Variants in PPARGC1A observed in about 807,000 individuals in gnomAD.
The protein encoded by PPARGC1A is PPARG coactivator 1 alpha, also known as peroxisome proliferator-activated receptor gamma coactivator 1-alpha.
In PPARGC1A, 25 loss-of-function variants were observed where a neutral mutation model predicts 88.7. The observed-to-expected ratio is 0.28, with a 90% CI of 0.21 to 0.39. The LOEUF is 0.39. PPARGC1A is among the 10% of genes least tolerant of loss of function. The pLI, the probability that PPARGC1A is intolerant of heterozygous loss-of-function variation, is 1.00. For synonymous variants in PPARGC1A, 363 were observed against 355.6 expected, an observed-to-expected ratio of 1.02 and a Z score of -0.24; for missense variants, 880 against 968.7, an observed-to-expected ratio of 0.91 and a Z score of 1.22.
chr4:24,406,773 A>G, the PPARGC1A span, among the ~76,000 whole-genome samples: 1 of 152,210 alleles, frequency 6.6e-6, no homozygotes, highest in Non-Finnish European at 1.5e-5. Flanking sequence ...AAGGCAGAGA[A>G]CAACCTAATG....
chr4:24,050,953 C>G, the PPARGC1A span, among the ~76,000 whole-genome samples: 1 of 151,954 alleles, frequency 6.6e-6, no homozygotes, highest in Non-Finnish European at 1.5e-5. Context: ...TTTGGGAGGC[C>G]AAGGTGGGCA....
At chr4:23,959,052 C>T in the PPARGC1A span, among the ~76,000 whole-genome samples, 1 of 150,676 alleles carries the variant, frequency 6.6e-6, no homozygotes, top group Non-Finnish European at 1.5e-5. Context: ...AAGAAATCTT[C>T]ATCACATGGA....
At chr4:23,887,739 A>C (rs1449902146) in intron 1 of PPARGC1A, among the ~76,000 whole-genome samples, 3 of 152,094 alleles carry the variant, frequency 2.0e-5, no homozygotes, top group Non-Finnish European at 4.4e-5. Flanking sequence ...TGTGCCATTG[A>C]TGGTAAATTT....
At chr4:23,855,410 A>C (rs1220133842) in intron 2 of PPARGC1A, among the ~76,000 whole-genome samples, 1 of 152,170 alleles carries the variant, frequency 6.6e-6, no homozygotes, top group Non-Finnish European at 1.5e-5. Context: ...CTGGAACATA[A>C]TTGGCATTCA....
chr4:23,978,155 A>G, the PPARGC1A span, among the ~76,000 whole-genome samples: 72 of 152,314 alleles, frequency 4.7e-4, no homozygotes, highest in African/African-American at 1.7e-3. Flanking sequence ...ACCAACTCCA[A>G]TGTGACAGAG....
the PPARGC1A span, among the ~76,000 whole-genome samples, chr4:23,995,897 C>G: frequency 6.6e-6 from 1 of 152,252 alleles, no homozygotes; most frequent in African/African-American, 2.4e-5. Context: ...TAAAGAATCC[C>G]TTTTAGCAAC....
At chr4:23,800,729 AT>A (rs924540390) in intron 12 of PPARGC1A, among the ~76,000 whole-genome samples, 2 of 151,552 alleles carry the variant, frequency 1.3e-5, no homozygotes, top group Non-Finnish European at 2.9e-5. Flanking sequence ...CATGATTTTA[AT>A]TTTTTTCTTA....
the PPARGC1A span, among the ~76,000 whole-genome samples, chr4:24,089,514 C>CTTTTTTTTTTTT: frequency 2.6e-5 from 1 of 38,680 alleles, no homozygotes; most frequent in African/African-American, 5.4e-5. Flanking sequence ...TCTTTTCTTT[C>CTTTTTTTTTTTT]TTTTTTTTTT....
the PPARGC1A span, among the ~76,000 whole-genome samples, chr4:24,089,533 C>T: frequency 8.1e-6 from 1 of 123,436 alleles, no homozygotes; most frequent in African/African-American, 3.5e-5. Flanking sequence ...TTTTTTGAGA[C>T]GGAGTCTTGC....
chr4:24,205,657 C>A, the PPARGC1A span, among the ~76,000 whole-genome samples: 1 of 152,202 alleles, frequency 6.6e-6, no homozygotes, highest in African/African-American at 2.4e-5. Context: ...ACGCTCCGAT[C>A]TTATCCTTCC....
At chr4:23,866,348 A>C (rs897481466) in intron 2 of PPARGC1A, 2 of 152,208 alleles carry the variant, frequency 1.3e-5, no homozygotes, top group Non-Finnish European at 2.9e-5. Flanking sequence ...AAGGTAATGG[A>C]GTAATGTTTA....
the PPARGC1A span, among the ~76,000 whole-genome samples, chr4:24,072,257 C>T: frequency 3.3e-5 from 5 of 149,894 alleles, no homozygotes; most frequent in Non-Finnish European, 7.4e-5. Context: ...CACATTACTC[C>T]CATTTAAATG....
At chr4:24,238,087 C>T in the PPARGC1A span, among the ~76,000 whole-genome samples, 1 of 152,078 alleles carries the variant, frequency 6.6e-6, no homozygotes, top group Non-Finnish European at 1.5e-5. Context: ...ATGTTTTGAG[C>T]CCAAGTTATA....
the PPARGC1A span, among the ~76,000 whole-genome samples, chr4:24,405,675 G>A: frequency 2.0e-5 from 3 of 152,130 alleles, no homozygotes; most frequent in Non-Finnish European, 4.4e-5. Flanking sequence ...CTATCCCAAG[G>A]TGAGAATGGA....
At chr4:24,374,015 A>G in the PPARGC1A span, among the ~76,000 whole-genome samples, 2 of 152,194 alleles carry the variant, frequency 1.3e-5, no homozygotes, top group Non-Finnish European at 2.9e-5. Flanking sequence ...TTAAAACACC[A>G]CTTGTCAGTA....
intron 10 of PPARGC1A, among the ~76,000 whole-genome samples, chr4:23,805,805 GAA>G (rs748179419): frequency 7.9e-5 from 12 of 152,068 alleles, no homozygotes; most frequent in Non-Finnish European, 1.5e-4. Context: ...AGAAGTGAGA[GAA>G]AGAAATTGAG....
Position 23,836,141 on chromosome 4 carries a change from C to T in PPARGC1A, c.235-4390G>A, listed in dbSNP as rs138916416. Among the ~76,000 whole-genome samples the T allele has an allele frequency of 7.3e-4, 111 of 152,128 alleles. 1 individual carries two copies. Among genetic ancestry groups the T allele is most frequent in the African/African-American group, 2.6e-3 (106 of 41,488 alleles). On this transcript the variant is annotated intron_variant, in intron 2 of 12. Transcript: ENST00000264867. The stretch of plus-strand genomic sequence containing the variant: ...AAAAAATATATGTCTTAGCTCCATC[C>T]GAGTTGGGGAAAAAAGAAAAGAAAA...
At chr4:23,880,936 C>G (rs553704597) in intron 2 of PPARGC1A, 1 of 152,280 alleles carries the variant, frequency 6.6e-6, no homozygotes, top group South Asian at 2.1e-4. Flanking sequence ...TCAGAAGTAA[C>G]AGACGAATGA....
chr4:23,792,567 A>G lies in PPARGC1A; in HGVS notation c.*3255T>C, dbSNP rs559709572. On this transcript the variant is annotated 3_prime_UTR_variant, in exon 13 of 13. Coordinates refer to ENST00000264867, the MANE Select transcript of PPARGC1A (RefSeq NM_013261.5). Reference sequence around the variant, plus strand: ...CTCGGAGTCGTTTAGCAAAAAATTGATTTTGTTGCACTGGAAGAATTATTC... The same window carrying G: ...CTCGGAGTCGTTTAGCAAAAAATTGGTTTTGTTGCACTGGAAGAATTATTC... The G allele has an allele frequency of 2.0e-5, 3 of 152,472 alleles. No homozygotes were observed. The highest frequency in any genetic ancestry group is 4.4e-5 in the Non-Finnish European group (3 of 67,986). 9.4% of individuals were successfully genotyped at this position (152,472 alleles called of 1,614,324 possible). A position where few individuals can be genotyped will look rare whatever the true frequency, so the allele number is the denominator to read the frequency against.
Sources: allele counts gnomAD v4.1 joint callset (sites outside exome capture counted in the v4.1 genomes callset), GRCh38; gene constraint gnomAD v4.1.1; transcripts MANE v1.5; gene names NCBI Gene and HGNC (gene_info 2026-07-23, HGNC 2026-07-21).